SYNRG: variants seen among roughly 807,000 people sequenced by gnomAD.
The protein encoded by SYNRG is synergin gamma, also known as AP1 gamma subunit binding protein 1.
Under a neutral mutation model 130.9 loss-of-function variants are expected in SYNRG, and 37 were observed. That is an observed-to-expected ratio of 0.28 (90% CI 0.22 to 0.37). The LOEUF (loss-of-function observed/expected upper bound fraction) is 0.37, where lower values mean the gene tolerates loss of function less well. SYNRG is among the 10% of genes least tolerant of loss of function. The probability of loss-of-function intolerance (pLI) is 1.00; values close to 1 mark genes in which losing one functional copy is unlikely to be tolerated. For synonymous variants in SYNRG, 539 were observed against 568.1 expected, an observed-to-expected ratio of 0.95 and a Z score of 0.73; for missense variants, 1,338 against 1,588.9, an observed-to-expected ratio of 0.84 and a Z score of 2.68.
At chr17:37,520,350 G>A (rs568083347) in intron 20 of SYNRG, 136 bp from the exon 21 acceptor site, 20 of 1,217,636 alleles carry the variant, frequency 1.6e-5, no homozygotes, top group African/African-American at 9.0e-5. Flanking sequence ...TGAGAGCCGC[G>A]TCCATTCCCT....
Position 37,577,556 on chromosome 17 carries a change from T to G in SYNRG, c.647A>C (p.Glu216Ala), listed in dbSNP as rs753057779. The change falls in exon 7 of 22, where the codon GAA (glutamate) becomes GCA (alanine). Residue 216 changes from glutamate (E) to alanine (A), a missense_variant. Transcript: ENST00000612223. Reference sequence around the variant, plus strand: ...TTCAGAAGTATTTAATTTAATTTGTTCCTGCCCAGATGTACTTATATCACA... The same window carrying G: ...TTCAGAAGTATTTAATTTAATTTGTGCCTGCCCAGATGTACTTATATCACA... ...VSCDISTSGQ[E>A]QIKLNTSEVG... is the part of the protein sequence containing the mutation. 1.9e-6 allele frequency: 3 copies of G among 1,614,190 alleles called. No homozygotes were observed. The South Asian group carries it at 3.3e-5, about 18-fold the overall frequency.
chr17:37,531,889 C>T (rs1205217365), intron 19 of SYNRG, among the ~76,000 whole-genome samples: 4 of 152,206 alleles, frequency 2.6e-5, no homozygotes, highest in African/African-American at 9.7e-5. Context: ...ATTCAAACTT[C>T]GTGCTCCTTT....
chr17:37,603,251 C>A (rs1222780034), intron 1 of SYNRG, among the ~76,000 whole-genome samples: 2 of 152,022 alleles, frequency 1.3e-5, no homozygotes, highest in East Asian at 1.9e-4. Context: ...CACCTATAAT[C>A]CCAGCACTTT....
intron 3 of SYNRG, among the ~76,000 whole-genome samples, chr17:37,590,687 G>A (rs1019410214): frequency 8.5e-5 from 13 of 152,180 alleles, no homozygotes; most frequent in African/African-American, 3.1e-4. Context: ...TTGGGAGGCA[G>A]AGGTGGGTGG....
chr17:37,600,320 C>T, intron 2 of SYNRG, 43 bp downstream of exon 2: 1 of 1,522,796 alleles, frequency 6.6e-7, no homozygotes, highest in Non-Finnish European at 8.8e-7. Flanking sequence ...TTCAGAAACA[C>T]AAGAGTGAAA....
intron 19 of SYNRG, among the ~76,000 whole-genome samples, chr17:37,524,646 G>A (rs1049209279): frequency 2.0e-5 from 3 of 152,340 alleles, no homozygotes; most frequent in Middle Eastern, 3.4e-3. Flanking sequence ...GGAAGACGCT[G>A]GTGCTAACGC....
intron 14 of SYNRG, among the ~76,000 whole-genome samples, chr17:37,547,114 T>C (rs947909665): frequency 9.9e-5 from 15 of 152,248 alleles, no homozygotes; most frequent in African/African-American, 3.6e-4. Context: ...CTAATCTGTA[T>C]GAAAATTTCT....
At position 37,565,385 on chromosome 17, in the gene SYNRG, G is replaced by A. The variant is rs182796965; in HGVS notation, c.1481+3406C>T. Among the ~76,000 whole-genome samples the A allele has an allele frequency of 3.3e-5, 5 of 150,284 alleles. 1 individual carries two copies. The South Asian group carries it at 1.1e-3, about 32-fold the overall frequency. ...GGCTGGAGTGCAGTGGCGTGATCTC[G>A]GCTCGCTACAACCTCCACCTCCCAG... On this transcript the variant is annotated intron_variant, in intron 11 of 21. Coordinates refer to ENST00000612223, the MANE Select transcript of SYNRG (RefSeq NM_007247.6).
At chr17:37,535,900 A>G in intron 19 of SYNRG, 79 bp downstream of exon 19, 1 of 1,579,706 alleles carries the variant, frequency 6.3e-7, no homozygotes, top group Non-Finnish European at 8.6e-7. Flanking sequence ...AATAAGTACC[A>G]TCATAGGAAT....
rs1324056591 is a variant in SYNRG at position 37,519,049 on chromosome 17, C to T, written c.3836G>A (p.Ser1279Asn). ...PKKAFNSETD[S>N]FKLAYGGHQY... ...GTGCCCTCCATAGGCCAGCTTGAAA[C>T]TGTCTGTTTCTGAGTTGAATGCCTG... Residue 1279 changes from serine (S) to asparagine (N), a missense_variant, in exon 22 of 22, where the codon AGT becomes AAT. Ser to Asn is a conservative substitution (Grantham distance 46). Coordinates refer to ENST00000612223, the MANE Select transcript of SYNRG (RefSeq NM_007247.6). 1.2e-6 allele frequency: 2 copies of T among 1,613,978 alleles called. No individual in the cohort carries two copies. The highest frequency in any genetic ancestry group is 1.7e-5 in the Admixed American group (1 of 60,002).
At chr17:37,565,886 G>C (rs972510394) in intron 11 of SYNRG, among the ~76,000 whole-genome samples, 13 of 151,422 alleles carry the variant, frequency 8.6e-5, no homozygotes, top group African/African-American at 1.2e-4. Context: ...ATCTCTGCCC[G>C]GCAGCCACCC....
chr17:37,562,799 T>C, intron 11 of SYNRG, among the ~76,000 whole-genome samples: 1 of 152,138 alleles, frequency 6.6e-6, no homozygotes, highest in Non-Finnish European at 1.5e-5. Context: ...TACAGTTCAC[T>C]GTACAGAATG....
At chr17:37,548,569 C>G (rs567795344) in intron 14 of SYNRG, among the ~76,000 whole-genome samples, 13 of 152,088 alleles carry the variant, frequency 8.5e-5, no homozygotes, top group Non-Finnish European at 1.8e-4. Flanking sequence ...TGTAATCCCA[C>G]TACTTTGGGA....
intron 15 of SYNRG, chr17:37,541,541 T>C (rs1455148733): frequency 5.9e-6 from 1 of 170,092 alleles, no homozygotes; most frequent in African/African-American, 2.4e-5. Context: ...ACTTCGTACT[T>C]AAAAATCTTT....
intron 11 of SYNRG, 138 bp downstream of exon 11, chr17:37,568,653 A>G: frequency 7.6e-6 from 7 of 915,746 alleles, no homozygotes; most frequent in Non-Finnish European, 1.1e-5. Context: ...TAAAAGTATT[A>G]ATACAGAGGG....
chr17:37,553,902 TTG>T lies in SYNRG; in HGVS notation c.1819_1820del (p.Gln607SerfsTer17). 2 of 1,605,504 alleles carry T rather than the reference TTG, an allele frequency of 1.2e-6. No homozygotes were observed. Among genetic ancestry groups the T allele is most frequent in the Non-Finnish European group, 1.7e-6 (2 of 1,178,276 alleles). Reference protein sequence around the residue: ...SGTIQQKQQTQVKNPLNLADL... With the variant: ...SGTIQQKQQTXVKNPLNLADL... Reference sequence around the variant, plus strand: ...CTGCTAAGTTCAGAGGGTTTTTCACTTGTGTTTGTTGTTTCTGTTGTATAGTT... The same window carrying T: ...CTGCTAAGTTCAGAGGGTTTTTCACTTGTTTGTTGTTTCTGTTGTATAGTT... On this transcript the variant is annotated frameshift_variant, in exon 14 of 22. Coordinates refer to ENST00000612223, the MANE Select transcript of SYNRG (RefSeq NM_007247.6). LOFTEE classifies it high-confidence loss of function.
intron 19 of SYNRG, among the ~76,000 whole-genome samples, chr17:37,522,526 G>C (rs1568247616): frequency 1.3e-5 from 2 of 151,918 alleles, no homozygotes; most frequent in Non-Finnish European, 2.9e-5. Context: ...GGAGTGTGGT[G>C]GTGTCATCTT....
chr17:37,543,367 G>A (rs1204134016), intron 14 of SYNRG, among the ~76,000 whole-genome samples: 5 of 152,124 alleles, frequency 3.3e-5, no homozygotes, highest in Admixed American at 1.3e-4. Flanking sequence ...TGGGGCAGAC[G>A]ACTGATTTTA....
chr17:37,579,545 G>T, intron 6 of SYNRG: 1 of 841,690 alleles, frequency 1.2e-6, no homozygotes, highest in Non-Finnish European at 1.6e-6. Flanking sequence ...AAATAGTGGA[G>T]GTGAACAAGA....
Sources: allele counts gnomAD v4.1 joint callset (sites outside exome capture counted in the v4.1 genomes callset), GRCh38; gene constraint gnomAD v4.1.1; transcripts MANE v1.5; gene names NCBI Gene and HGNC (gene_info 2026-07-23, HGNC 2026-07-21).